The following ADCY4 variants were observed in gnomAD, a reference collection of about 807,000 sequenced individuals.
The protein encoded by ADCY4 is adenylate cyclase 4.
A neutral mutation model predicts 125.5 loss-of-function variants in ADCY4; 111 were observed. That is an observed-to-expected ratio of 0.88 (90% confidence interval 0.76 to 1.04). ADCY4 has a LOEUF of 1.04. ADCY4 is among the 50% of genes least tolerant of loss of function. The pLI is 0.00. For synonymous variants in ADCY4, 576 were observed against 586.9 expected (o/e 0.98, Z 0.27); for missense variants, 1,256 against 1,382.9 (o/e 0.91, Z 1.46).
intron 14 of ADCY4, 152 bp from the exon 15 acceptor site, chr14:24,324,543 C>T (rs1300754203): frequency 2.4e-5 from 21 of 881,228 alleles, no homozygotes; most frequent in Non-Finnish European, 3.6e-6. Context: ...GAAGACATTG[C>T]ATTCTGATGA....
chr14:24,321,259 A>ATGT (rs60802826), intron 20 of ADCY4, among the ~76,000 whole-genome samples: 1 of 150,844 alleles, frequency 6.6e-6, no homozygotes, highest in Non-Finnish European at 1.5e-5. Flanking sequence ...AAAAAAAAAA[A>ATGT]ATATAAAAAA....
At chr14:24,334,335 G>A (rs907087896) in intron 1 of ADCY4, among the ~76,000 whole-genome samples, 159 bp downstream of exon 1, 10 of 152,224 alleles carry the variant, frequency 6.6e-5, no homozygotes, top group African/African-American at 2.2e-4. Flanking sequence ...GAAGGGTAGA[G>A]TGACTTGCCC....
rs2041808920 is a variant in ADCY4, at chr14:24,318,825, A to G, written c.2957-47T>C. 3 of 1,611,750 alleles carry G rather than the reference A, an allele frequency of 1.9e-6. No homozygotes were observed. The South Asian group carries it at 3.3e-5, about 18-fold the overall frequency. On this transcript the variant is annotated intron_variant, in intron 23 of 24. Transcript: ENST00000418030. ...ACAGACTTGGAGAAGGAAGAGGGGA[A>G]GAGGAAGCCACAAGGAACTGGAAGG...
rs1268323150 is a variant in ADCY4, at chr14:24,319,193, C to T, written c.2861G>A (p.Ser954Asn). 5 of 1,614,150 alleles carry T rather than the reference C, an allele frequency of 3.1e-6. No individual in the cohort carries two copies. The highest frequency in any genetic ancestry group is 4.2e-6 in the Non-Finnish European group (5 of 1,180,024). Residue 954 changes from serine (S) to asparagine (N), a missense_variant, in exon 23 of 25, where the codon AGC (serine) becomes AAC (asparagine). Transcript: ENST00000418030. This position sits in a 1 kb window ranked among gnomAD's most constrained non-coding sequence, Gnocchi z 4.5. ...DAQQDAERSC[S>N]HLGTMVEFAV... ...AAATTCCACCATAGTGCCAAGGTGG[C>T]TGCAGCTCCGTTCAGCATCCTGGCA...
chr14:24,330,034 G>A lies in ADCY4; in HGVS notation c.1059-16C>T. ...CCGCAGTTTCCTGAGCAGTGTGTGT[G>A]TGGGACAATCTGAGTCCTACCCTCA... On this transcript the variant is annotated splice_polypyrimidine_tract_variant and intron_variant, in intron 7 of 24. Coordinates refer to ENST00000418030, the MANE Select transcript of ADCY4 (RefSeq NM_001198568.2). The A allele has an allele frequency of 6.2e-7, 1 of 1,610,534 alleles. No individual in the cohort carries two copies. The highest frequency in any genetic ancestry group is 1.1e-5 in the South Asian group (1 of 90,980).
rs1406201805 is a variant in ADCY4, at chr14:24,326,155, G to A, written c.1579C>T (p.Pro527Ser). 3 of 1,597,414 alleles carry A rather than the reference G, an allele frequency of 1.9e-6. No individual in the cohort carries two copies. The highest frequency in any genetic ancestry group is 1.7e-6 in the Non-Finnish European group (2 of 1,169,218). The stretch of plus-strand genomic sequence containing the variant: ...TCCAGTTCATCATCTAGTCCCCGGG[G>A]GGTACGGCTCCTGCACAGTGAGAGC... ...TQWSLDRSRT[P>S]RGLDDELDTG... The change falls in exon 12 of 25, where the codon CCC (proline) becomes TCC (serine). Residue 527 changes from proline (P) to serine (S), a missense_variant. Transcript: ENST00000418030.
rs1484658988 is a variant in ADCY4 at position 24,326,064 on chromosome 14, C to G, written c.1655+15G>C. 6.4e-7 allele frequency: 1 copy of G among 1,570,218 alleles called. No individual in the cohort carries two copies. The highest frequency in any genetic ancestry group is 1.8e-5 in the Admixed American group (1 of 55,964). On this transcript the variant is annotated intron_variant, in intron 12 of 24. Transcript: ENST00000418030. ...CAGGGCCTGCGGCCCCCCCAGCCCT[C>G]TTTGTTCTCCGTACTTCTGCGAGTT...
chr14:24,332,826 G>C lies in ADCY4; in HGVS notation c.322C>G (p.Leu108Val). 6.3e-7 allele frequency: 1 copy of C among 1,580,136 alleles called. No individual in the cohort carries two copies. Among genetic ancestry groups the C allele is most frequent in the Non-Finnish European group, 8.6e-7 (1 of 1,160,708 alleles). Reference protein sequence around the residue: ...VALLALGHAFLFTGGVVSAWD... With the variant: ...VALLALGHAFVFTGGVVSAWD... ...GCGCTCACCACGCCCCCGGTGAACA[G>C]GAAGGCGTGGCCTAGCGCTAGCAGC... Residue 108 changes from leucine to valine, a missense_variant, in exon 2 of 25, where the codon CTG becomes GTG. Physicochemically the swap from Leu to Val is conservative, Grantham distance 32. Transcript: ENST00000418030.
At position 24,322,644 on chromosome 14, in the gene ADCY4, G is replaced by A. The variant is rs781760654; in HGVS notation, c.2407C>T (p.Leu803Phe). 1.2e-6 allele frequency: 2 copies of A among 1,614,194 alleles called. No homozygotes were observed. Among genetic ancestry groups the A allele is most frequent in the South Asian group, 2.2e-5 (2 of 91,084 alleles). The change falls in exon 19 of 25, where the codon CTC (leucine) becomes TTC (phenylalanine). Residue 803 changes from leucine to phenylalanine, a missense_variant. Physicochemically the swap from Leu to Phe is conservative, Grantham distance 22. Transcript: ENST00000418030. ...AISFFIFFFT[L>F]LVLARQNEYY... ...CTTACCTGGCGAGCCAGGACAAGGA[G>A]GGTGAAGAAGAAGATGAAGAAGGAG... is the stretch of plus-strand genomic sequence containing the variant.
intron 10 of ADCY4, 131 bp from the exon 11 acceptor site, chr14:24,326,473 T>C: frequency 9.5e-7 from 1 of 1,055,868 alleles, no homozygotes; most frequent in South Asian, 1.4e-5. Flanking sequence ...TTCTTTTGCC[T>C]CTAATGACCT....
intron 14 of ADCY4, among the ~76,000 whole-genome samples, chr14:24,324,650 G>A (rs530872248): frequency 1.2e-4 from 19 of 152,290 alleles, no homozygotes; most frequent in Admixed American, 3.3e-4. Context: ...CTGAGGCTAC[G>A]GCAGACTGAT....
rs3078135 is a variant in ADCY4, at chr14:24,326,896, A to ATTTTTTTTT, written c.1525-563_1525-555dup. 2.0e-3 allele frequency among the ~76,000 whole-genome samples: 221 copies of ATTTTTTTTT among 109,898 alleles called. 17 individuals are homozygous for ATTTTTTTTT. Among genetic ancestry groups the ATTTTTTTTT allele is most frequent in the East Asian group, 0.019 (65 of 3,374 alleles). 72.1% of individuals were successfully genotyped at this position (109,898 alleles called of 152,430 possible). ...GGCATGAGCCACCGTACCTGGCTGG[A>ATTTTTTTTT]TTTTTTTTTTTTTTTTTGCAACGGA... On this transcript the variant is annotated intron_variant, in intron 10 of 24. Transcript: ENST00000418030.
chr14:24,329,585 A>G (rs2042007964), intron 8 of ADCY4, 52 bp from the exon 9 acceptor site: 1 of 1,498,768 alleles, frequency 6.7e-7, no homozygotes, highest in African/African-American at 1.4e-5. Flanking sequence ...CAAATCTCCT[A>G]TTTCCTGCCC....
rs1594658589 is a variant in ADCY4 at position 24,326,217 on chromosome 14, G to A, written c.1569-52C>T. The A allele has an allele frequency of 3.7e-6, 6 of 1,613,260 alleles. No individual in the cohort carries two copies. The African/African-American group carries it at 5.3e-5, about 14-fold the overall frequency. ...CCACAGAGACCCTCAGAGCGTCTGG[G>A]CAAAGCAGGAGCAGACCCCCAGGGA... is the stretch of plus-strand genomic sequence containing the variant. On this transcript the variant is annotated intron_variant, in intron 11 of 24. Transcript: ENST00000418030.
At position 24,330,224 on chromosome 14, in the gene ADCY4, C is replaced by T. The variant is rs939222718; in HGVS notation, c.1002G>A (p.Leu334=). 1 of 1,614,204 alleles carries T rather than the reference C, an allele frequency of 6.2e-7. No homozygotes were observed. The highest frequency in any genetic ancestry group is 1.7e-5 in the Admixed American group (1 of 60,032). ...YYCVSGLPLS[L]PDHAINCVRM... Reference sequence around the variant, plus strand: ...GCACGCAGTTGATGGCATGGTCTGGCAGTGAGAGTGGCAGCCCAGAGACAC... The same window carrying T: ...GCACGCAGTTGATGGCATGGTCTGGTAGTGAGAGTGGCAGCCCAGAGACAC... The change falls in exon 7 of 25, where the codon CTG becomes CTA. Residue 334 remains leucine, a synonymous_variant. Coordinates refer to ENST00000418030, the MANE Select transcript of ADCY4 (RefSeq NM_001198568.2).
chr14:24,319,018 A>T lies in ADCY4; in HGVS notation c.2956+80T>A. ...AGGGGCTTCAGGATGAACTGGGAGC[A>T]GCTAACAAAGGACTTGGAGTGGGGC... On this transcript the variant is annotated intron_variant, in intron 23 of 24. Transcript: ENST00000418030. The surrounding 1 kb of genome is among the most constrained non-coding windows in gnomAD (Gnocchi z 4.5). The T allele has an allele frequency of 1.3e-6, 2 of 1,532,628 alleles. No individual in the cohort carries two copies. Among genetic ancestry groups the T allele is most frequent in the South Asian group, 2.3e-5 (2 of 85,774 alleles). The allele number at this position is 1,532,628 out of a possible 1,614,324, so 94.9% of individuals were successfully genotyped here.
In ADCY4 at chr14:24,318,581, G is replaced by C; in HGVS notation, c.3082-13C>G. 6.2e-7 allele frequency: 1 copy of C among 1,614,114 alleles called. No individual in the cohort carries two copies. The highest frequency in any genetic ancestry group is 8.5e-7 in the Non-Finnish European group (1 of 1,179,996). The stretch of plus-strand genomic sequence containing the variant: ...TCTCCTCAGTCACCTACAATTGGAG[G>C]GGGGCGAGGGAATATGGAGGTGGCC... On this transcript the variant is annotated splice_polypyrimidine_tract_variant and intron_variant, in intron 24 of 24. Coordinates refer to ENST00000418030, the MANE Select transcript of ADCY4 (RefSeq NM_001198568.2).
At position 24,332,719 on chromosome 14, in the gene ADCY4, G is replaced by C. The variant is rs773043191; in HGVS notation, c.358-36C>G. Reference sequence around the variant, plus strand: ...GGCGCGGGAAGCCGAAGGCCCAAGTGGGGCTATTCAAGGCCTGGTGAGGGA... The same window carrying C: ...GGCGCGGGAAGCCGAAGGCCCAAGTCGGGCTATTCAAGGCCTGGTGAGGGA... On this transcript the variant is annotated intron_variant, in intron 2 of 24. Transcript: ENST00000418030. The C allele has an allele frequency of 2.2e-5, 35 of 1,565,652 alleles. 1 individual carries two copies. The Middle Eastern group carries it at 6.7e-4, about 30-fold the overall frequency.
intron 6 of ADCY4, 92 bp downstream of exon 6, chr14:24,330,926 G>T: frequency 8.5e-7 from 1 of 1,172,600 alleles, no homozygotes; most frequent in Non-Finnish European, 1.2e-6. Context: ...AAGTGGGCCT[G>T]GGATCTTATA....
Sources: gnomAD v4.1 joint callset for allele counts (sites outside exome capture counted in the v4.1 genomes callset) on GRCh38, gnomAD v4.1.1 for gene constraint, Gnocchi (gnomAD v3.1) non-coding constraint, MANE v1.5 for transcripts, NCBI Gene and HGNC (gene_info 2026-07-23, HGNC 2026-07-21) for gene names.